The following EXOC6B variants were observed in gnomAD, a reference collection of about 807,000 sequenced individuals.
EXOC6B encodes exocyst complex component 6B, also known as SEC15 homolog B.
EXOC6B carries 54 observed loss-of-function variants against 113.5 expected under a neutral mutation model. The observed-to-expected ratio is 0.48, with a 90% CI of 0.38 to 0.60. The LOEUF is 0.60. EXOC6B is among the 20% of genes least tolerant of loss of function. The probability of loss-of-function intolerance (pLI) is 0.00; values close to 1 mark genes in which losing one functional copy is unlikely to be tolerated. For missense variants in EXOC6B, 797 were observed against 977.5 expected, an observed-to-expected ratio of 0.82 and a Z score of 2.46; for synonymous variants, 357 against 339.0, an observed-to-expected ratio of 1.05 and a Z score of -0.58.
At chr2:72,240,318 A>T (rs1176385070) in intron 20 of EXOC6B, among the ~76,000 whole-genome samples, 1 of 152,216 alleles carries the variant, frequency 6.6e-6, no homozygotes, top group Non-Finnish European at 1.5e-5. Flanking sequence ...TTTCTTCAAG[A>T]GGAAAAAACA....
chr2:72,659,525 A>G (rs1674849769), intron 6 of EXOC6B, among the ~76,000 whole-genome samples: 1 of 152,118 alleles, frequency 6.6e-6, no homozygotes, highest in Non-Finnish European at 1.5e-5. Flanking sequence ...AGGAATCTGT[A>G]TCTTGCTATA....
intron 6 of EXOC6B, among the ~76,000 whole-genome samples, chr2:72,685,666 C>A (rs1046905298): frequency 6.6e-6 from 1 of 152,184 alleles, no homozygotes; most frequent in Non-Finnish European, 1.5e-5. Context: ...ACCAGAAGTA[C>A]CTTCTAACAA....
rs775849981 is a variant in EXOC6B at position 72,438,310 on chromosome 2, GAAAAAAAAA to G, written c.1980+26841_1980+26849del. On this transcript the variant is annotated intron_variant, in intron 18 of 21. Transcript: ENST00000272427. Reference sequence around the variant, plus strand: ...GAGCCTGTAGCTATCAATCTTTGTGGAAAAAAAAAAAAAAAGTTGGCTGGGCATAGTGGC... The same window carrying G: ...GAGCCTGTAGCTATCAATCTTTGTGGAAAAAAGTTGGCTGGGCATAGTGGC... 1.4e-4 allele frequency among the ~76,000 whole-genome samples: 20 copies of G among 138,908 alleles called. 1 individual carries two copies. The highest frequency in any genetic ancestry group is 5.0e-4 in the African/African-American group (19 of 38,234). 91.1% of individuals were successfully genotyped at this position (138,908 alleles called of 152,430 possible).
chr2:72,705,777 A>G (rs1678821265), intron 6 of EXOC6B, among the ~76,000 whole-genome samples: 1 of 152,114 alleles, frequency 6.6e-6, no homozygotes, highest in Non-Finnish European at 1.5e-5. Flanking sequence ...GACCTACACA[A>G]TTCTTTTCAT....
At chr2:72,676,858 C>G (rs193055009) in intron 6 of EXOC6B, among the ~76,000 whole-genome samples, 1 of 152,194 alleles carries the variant, frequency 6.6e-6, no homozygotes, top group East Asian at 1.9e-4. Context: ...GATCTTTATA[C>G]CTCCTAGGCA....
chr2:72,575,535 T>C lies in EXOC6B; in HGVS notation c.803A>G (p.Asp268Gly). ...IESTSPKSEQ[D>G]SGILDVEDEE... The stretch of plus-strand genomic sequence containing the variant: ...GTCTTCAACATCCAGAATTCCTGAA[T>C]CCTGTTCAGACTTCGGACTAGTACT... Residue 268 changes from aspartate (D) to glycine (G), a missense_variant, in exon 7 of 22, where the codon GAT becomes GGT. By Grantham distance (94) the Asp-to-Gly change is moderately conservative (BLOSUM62 -1). Coordinates refer to ENST00000272427, the MANE Select transcript of EXOC6B (RefSeq NM_015189.3). 1 of 1,610,022 alleles carries C rather than the reference T, an allele frequency of 6.2e-7. No individual in the cohort carries two copies. Among genetic ancestry groups the C allele is most frequent in the Non-Finnish European group, 8.5e-7 (1 of 1,178,662 alleles).
At chr2:72,744,769 G>A (rs780899295) in intron 1 of EXOC6B, among the ~76,000 whole-genome samples, 5 of 151,922 alleles carry the variant, frequency 3.3e-5, no homozygotes, top group Admixed American at 1.3e-4. Flanking sequence ...CTACGGTAAC[G>A]TCACAAAAGA....
chr2:72,797,885 C>T (rs1240665979), intron 1 of EXOC6B, among the ~76,000 whole-genome samples: 1 of 151,770 alleles, frequency 6.6e-6, no homozygotes, highest in Non-Finnish European at 1.5e-5. Flanking sequence ...ATCCCTACCC[C>T]CCAATGGAAA....
At chr2:72,473,447 T>C (rs1261856969) in intron 17 of EXOC6B, among the ~76,000 whole-genome samples, 2 of 152,132 alleles carry the variant, frequency 1.3e-5, no homozygotes, top group African/African-American at 2.4e-5. Context: ...TTTGTCTTTT[T>C]CTTACTGTTT....
chr2:72,687,573 C>CTT (rs2104573870), intron 6 of EXOC6B, among the ~76,000 whole-genome samples: 1 of 151,808 alleles, frequency 6.6e-6, no homozygotes, highest in South Asian at 2.1e-4. Flanking sequence ...AAGGAAACAA[C>CTT]GTTAAGTAGG....
intron 20 of EXOC6B, among the ~76,000 whole-genome samples, chr2:72,292,268 G>A (rs982371709): frequency 8.0e-5 from 12 of 149,146 alleles, no homozygotes; most frequent in Middle Eastern, 3.4e-3. Context: ...ATAACTACTG[G>A]TCTATATCAA....
At position 72,466,138 on chromosome 2, in the gene EXOC6B, A is replaced by C. The variant is rs138584245; in HGVS notation, c.1801-799T>G. Among the ~76,000 whole-genome samples the C allele has an allele frequency of 3.9e-5, 6 of 152,246 alleles. No individual in the cohort carries two copies. The East Asian group carries it at 1.2e-3, about 29-fold the overall frequency. On this transcript the variant is annotated intron_variant, in intron 17 of 21. Coordinates refer to ENST00000272427, the MANE Select transcript of EXOC6B (RefSeq NM_015189.3). ...AGTGGGTGGATCACTTGAGGTCAGGAGTTCGAGACCAGCCTGGCCAACATG... is the reference window on the plus strand; with the variant it reads ...AGTGGGTGGATCACTTGAGGTCAGGCGTTCGAGACCAGCCTGGCCAACATG...
intron 1 of EXOC6B, among the ~76,000 whole-genome samples, chr2:72,768,337 G>A (rs1329526059): frequency 6.8e-6 from 1 of 146,006 alleles, no homozygotes; most frequent in Non-Finnish European, 1.5e-5. Context: ...TGTTGCCCAG[G>A]CTGGAGTGCA....
At chr2:72,572,244 T>C (rs547454631) in intron 7 of EXOC6B, among the ~76,000 whole-genome samples, 2 of 152,186 alleles carry the variant, frequency 1.3e-5, no homozygotes, top group South Asian at 4.1e-4. Context: ...CCAAGTGTGC[T>C]CCAGGGACCA....
In EXOC6B at chr2:72,648,792, A is replaced by G. The variant is rs112218280; in HGVS notation, c.669+69311T>C. Reference sequence around the variant, plus strand: ...GAAGTCATTATGTTAAATGAAATAAACCAGGCACAGAAAGAAAAATGTTGC... The same window carrying G: ...GAAGTCATTATGTTAAATGAAATAAGCCAGGCACAGAAAGAAAAATGTTGC... On this transcript the variant is annotated intron_variant, in intron 6 of 21. Transcript: ENST00000272427. 1.8e-4 allele frequency among the ~76,000 whole-genome samples: 23 copies of G among 127,836 alleles called. 2 individuals are homozygous for G. The highest frequency in any genetic ancestry group is 5.8e-4 in the African/African-American group (19 of 32,980). 83.9% of individuals were successfully genotyped at this position (127,836 alleles called of 152,430 possible).
At chr2:72,343,438 C>T (rs1006664298) in intron 19 of EXOC6B, among the ~76,000 whole-genome samples, 2 of 152,124 alleles carry the variant, frequency 1.3e-5, no homozygotes, top group Non-Finnish European at 2.9e-5. Context: ...ACAAACAAAA[C>T]AAAAAGAAGT....
At chr2:72,459,231 A>G (rs1257596176) in intron 18 of EXOC6B, among the ~76,000 whole-genome samples, 1 of 152,156 alleles carries the variant, frequency 6.6e-6, no homozygotes, top group Admixed American at 6.6e-5. Context: ...ATCTATGACA[A>G]ACCCACAGCC....
intron 2 of EXOC6B, among the ~76,000 whole-genome samples, chr2:72,736,945 C>A (rs963121288): frequency 6.6e-6 from 1 of 152,128 alleles, no homozygotes; most frequent in Admixed American, 6.5e-5. Flanking sequence ...TCTGTTTTCA[C>A]GCATTTCAGA....
intron 1 of EXOC6B, among the ~76,000 whole-genome samples, chr2:72,818,417 T>A (rs1686397680): frequency 6.7e-6 from 1 of 149,318 alleles, no homozygotes; most frequent in Non-Finnish European, 1.5e-5. Context: ...CGCCTCGGCC[T>A]CCCAAAGTTC....
Sources: allele counts gnomAD v4.1 joint callset (sites outside exome capture counted in the v4.1 genomes callset), GRCh38; gene constraint gnomAD v4.1.1; transcripts MANE v1.5; gene names NCBI Gene and HGNC (gene_info 2026-07-23, HGNC 2026-07-21).